The following ANTXR1 variants were observed in gnomAD, a reference collection of about 807,000 sequenced individuals.
The protein encoded by ANTXR1 is anthrax toxin receptor 1.
A neutral mutation model predicts 78.1 loss-of-function variants in ANTXR1; 19 were observed. That is an observed-to-expected ratio of 0.24 (90% CI 0.17 to 0.36). The LOEUF (loss-of-function observed/expected upper bound fraction) is 0.36. ANTXR1 is among the 10% of genes least tolerant of loss of function. ANTXR1 has a pLI of 1.00. For missense variants in ANTXR1, 518 were observed against 718.6 expected, an observed-to-expected ratio of 0.72 and a Z score of 3.19; for synonymous variants, 273 against 260.5, an observed-to-expected ratio of 1.05 and a Z score of -0.46.
intron 17 of ANTXR1, among the ~76,000 whole-genome samples, chr2:69,202,590 G>A (rs1674799199): frequency 6.6e-6 from 1 of 152,200 alleles, no homozygotes; most frequent in Admixed American, 6.5e-5. Flanking sequence ...TAGACTGCAG[G>A]AACTCTTAGG....
chr2:69,180,663 C>T (rs1402987689), intron 14 of ANTXR1, among the ~76,000 whole-genome samples: 1 of 152,208 alleles, frequency 6.6e-6, no homozygotes, highest in Non-Finnish European at 1.5e-5. Context: ...GCACCCACCA[C>T]ATACAACATA....
At chr2:69,019,945 G>A (rs1323650790) in intron 1 of ANTXR1, among the ~76,000 whole-genome samples, 2 of 152,180 alleles carry the variant, frequency 1.3e-5, no homozygotes, top group Non-Finnish European at 2.9e-5. Flanking sequence ...ATGCCATGGT[G>A]TATATATACC....
At chr2:69,179,209 ATTGTG>A (rs1357140460) in intron 14 of ANTXR1, among the ~76,000 whole-genome samples, 16 of 152,306 alleles carry the variant, frequency 1.1e-4, no homozygotes, top group African/African-American at 3.8e-4. Flanking sequence ...ATAATATTTT[ATTGTG>A]TTGGGGACTT....
At chr2:69,091,152 T>A (rs1293887825) in intron 9 of ANTXR1, among the ~76,000 whole-genome samples, 1 of 151,894 alleles carries the variant, frequency 6.6e-6, no homozygotes, top group Non-Finnish European at 1.5e-5. Flanking sequence ...CCAAATTCTC[T>A]TCTTTCACTG....
intron 3 of ANTXR1, among the ~76,000 whole-genome samples, chr2:69,070,072 C>T (rs536390943): frequency 2.0e-5 from 3 of 152,316 alleles, no homozygotes; most frequent in South Asian, 2.1e-4. Context: ...TCTTCCTGCC[C>T]GCACTGTCAC....
At chr2:69,111,673 A>G (rs191527325) in intron 10 of ANTXR1, among the ~76,000 whole-genome samples, 4 of 152,360 alleles carry the variant, frequency 2.6e-5, no homozygotes, top group African/African-American at 7.2e-5. Flanking sequence ...TCCCATTTGA[A>G]CATATTTCCC....
intron 4 of ANTXR1, among the ~76,000 whole-genome samples, chr2:69,070,955 A>C (rs1002312488): frequency 2.6e-5 from 4 of 152,184 alleles, no homozygotes; most frequent in Non-Finnish European, 5.9e-5. Flanking sequence ...TTTGTTAGCT[A>C]ATGGTTGGCT....
intron 13 of ANTXR1, among the ~76,000 whole-genome samples, chr2:69,168,710 TG>T (rs1057042998): frequency 1.1e-4 from 17 of 152,200 alleles, no homozygotes; most frequent in African/African-American, 4.1e-4. Context: ...TCTGGGATGA[TG>T]GGAAATCAGT....
At chr2:69,075,895 A>C (rs1238513797) in intron 7 of ANTXR1, among the ~76,000 whole-genome samples, 1 of 152,216 alleles carries the variant, frequency 6.6e-6, no homozygotes, top group African/African-American at 2.4e-5. Flanking sequence ...GGCAAACATT[A>C]AATTGCCAGG....
At chr2:69,037,949 C>T (rs1243145034) in intron 1 of ANTXR1, among the ~76,000 whole-genome samples, 2 of 152,176 alleles carry the variant, frequency 1.3e-5, no homozygotes, top group Non-Finnish European at 2.9e-5. Flanking sequence ...CTCCCCTCTA[C>T]AGGCTGCATG....
intron 13 of ANTXR1, among the ~76,000 whole-genome samples, chr2:69,156,341 TC>T (rs1250154916): frequency 1.3e-5 from 2 of 152,058 alleles, no homozygotes; most frequent in Non-Finnish European, 2.9e-5. Flanking sequence ...TCCCTCTCCC[TC>T]CCTTTCCACA....
At chr2:69,038,465 C>T (rs947001392) in intron 1 of ANTXR1, among the ~76,000 whole-genome samples, 1 of 152,046 alleles carries the variant, frequency 6.6e-6, no homozygotes, top group African/African-American at 2.4e-5. Context: ...TGCTTTTGAC[C>T]CTTTTTACAG....
chr2:69,187,563 T>A (rs369235535), intron 16 of ANTXR1, among the ~76,000 whole-genome samples: 16 of 150,280 alleles, frequency 1.1e-4, no homozygotes, highest in East Asian at 5.9e-4. Flanking sequence ...GAAAGCTGGG[T>A]CACACTATTT....
At chr2:69,118,387 C>T (rs1301814713) in intron 10 of ANTXR1, among the ~76,000 whole-genome samples, 1 of 152,138 alleles carries the variant, frequency 6.6e-6, no homozygotes, top group African/African-American at 2.4e-5. Flanking sequence ...GCCGTGATTG[C>T]ACCACTGCAC....
chr2:69,192,513 T>G (rs1558635600), intron 16 of ANTXR1, among the ~76,000 whole-genome samples: 1 of 152,154 alleles, frequency 6.6e-6, no homozygotes, highest in African/African-American at 2.4e-5. Context: ...ATGGGTCTTC[T>G]AGGAAGGACC....
Position 69,193,403 on chromosome 2 carries a change from G to A in ANTXR1, c.1422G>A (p.Gln474=), listed in dbSNP as rs774621663. The part of the protein sequence containing the change: ...GYDRVSVMRP[Q]PGDTGRCINF... ...ATCGTGTGTCTGTGATGCGTCCACAGCCAGGAGACACGGTAGGACTCGTTA... is the reference window on the plus strand; with the variant it reads ...ATCGTGTGTCTGTGATGCGTCCACAACCAGGAGACACGGTAGGACTCGTTA... The change falls in exon 17 of 18, where the codon CAG becomes CAA. Residue 474 remains glutamine (Q), a synonymous_variant. Coordinates refer to ENST00000303714, the MANE Select transcript of ANTXR1 (RefSeq NM_032208.3). The A allele has an allele frequency of 3.6e-5, 58 of 1,613,186 alleles. No individual in the cohort carries two copies. The highest frequency in any genetic ancestry group is 4.9e-5 in the Non-Finnish European group (58 of 1,179,800).
chr2:69,086,425 C>T lies in ANTXR1; in HGVS notation c.643-4434C>T, dbSNP rs117843516. Among the ~76,000 whole-genome samples the T allele has an allele frequency of 5.8e-3, 889 of 152,304 alleles. 25 individuals carry two copies. In the East Asian group the frequency reaches 0.075, roughly 13 times the overall value. On this transcript the variant is annotated intron_variant, in intron 8 of 17. Transcript: ENST00000303714. The stretch of plus-strand genomic sequence containing the variant: ...TAACTTGGCAAAGTTCTTGTACATC[C>T]GCTGCCTCTCTTACTCGTCCTCCCA...
chr2:69,019,916 T>C (rs553434261), intron 1 of ANTXR1, among the ~76,000 whole-genome samples: 1 of 152,352 alleles, frequency 6.6e-6, no homozygotes, highest in Admixed American at 6.5e-5. Flanking sequence ...CATCATCTCC[T>C]TTTTTATAGC....
chr2:69,166,527 C>T (rs1480713951), intron 13 of ANTXR1, among the ~76,000 whole-genome samples: 1 of 152,180 alleles, frequency 6.6e-6, no homozygotes. Flanking sequence ...CTAAAATACC[C>T]AGTCTAAAGG....
Sources: gnomAD v4.1 joint callset for allele counts (sites outside exome capture counted in the v4.1 genomes callset) on GRCh38, gnomAD v4.1.1 for gene constraint, MANE v1.5 for transcripts, NCBI Gene and HGNC (gene_info 2026-07-23, HGNC 2026-07-21) for gene names.